The following STC2 variants were observed in gnomAD, a reference collection of about 807,000 sequenced individuals.
STC2 encodes stanniocalcin 2.
Under a neutral mutation model 22.7 loss-of-function variants are expected in STC2, and 7 were observed. That is an observed-to-expected ratio of 0.31 (90% CI 0.18 to 0.58). The LOEUF is 0.58. STC2 is among the 20% of genes least tolerant of loss of function. The pLI, the probability that STC2 is intolerant of heterozygous loss-of-function variation, is 0.89. For synonymous variants in STC2, 158 were observed against 163.4 expected (o/e 0.97, Z 0.25); for missense variants, 336 against 406.2 (o/e 0.83, Z 1.48).
chr5:173,328,228 G>A lies in STC2; in HGVS notation c.-35C>T, dbSNP rs767827535. On this transcript the variant is annotated 5_prime_UTR_variant, in exon 1 of 4. Transcript: ENST00000265087. ...TATTAACCTCCCGTCGGGAGACCTG[G>A]ATCCTTTGTGCTCCCCTCTTCCTCC... is the stretch of plus-strand genomic sequence containing the variant. 7.0e-7 allele frequency: 1 copy of A among 1,420,754 alleles called. No homozygotes were observed. The highest frequency in any genetic ancestry group is 9.3e-7 in the Non-Finnish European group (1 of 1,078,074). 88.0% of individuals were successfully genotyped at this position (1,420,754 alleles called of 1,614,324 possible).
chr5:173,321,159 GC>G (rs1309989296), intron 3 of STC2, among the ~76,000 whole-genome samples: 5 of 151,332 alleles, frequency 3.3e-5, no homozygotes, highest in African/African-American at 1.2e-4. Flanking sequence ...GGAGACCATG[GC>G]CCCGAGGGCC....
In STC2 at chr5:173,316,736, C is replaced by T. The variant is rs1164546692; in HGVS notation, c.*1111G>A. 12 of 152,104 alleles carry T rather than the reference C, an allele frequency of 7.9e-5. No homozygotes were observed. Among genetic ancestry groups the T allele is most frequent in the Non-Finnish European group, 1.8e-4 (12 of 68,036 alleles). The allele number at this position is 152,104 out of a possible 1,614,324, so 9.4% of individuals were successfully genotyped here. ...AGTCTTCATTCTCTTCTTTCCTTTC[C>T]CATCCCCTCACATGGAGAAGCCAGG... On this transcript the variant is annotated 3_prime_UTR_variant, in exon 4 of 4. Transcript: ENST00000265087.
At chr5:173,326,581 T>TA (rs1405620321) in intron 1 of STC2, 1 of 152,330 alleles carries the variant, frequency 6.6e-6, no homozygotes, top group African/African-American at 2.4e-5. Context: ...CCCTTCGCAT[T>TA]AAAATACCAG....
chr5:173,318,296 G>T, intron 3 of STC2, 47 bp from the exon 4 acceptor site: 5 of 1,337,330 alleles, frequency 3.7e-6, no homozygotes, highest in Non-Finnish European at 3.9e-6. Flanking sequence ...GAGAGAGAGA[G>T]AGAGGCTGGG....
Position 173,317,669 on chromosome 5 carries a change from G to A in STC2, c.*178C>T. The A allele has an allele frequency of 2.6e-6, 2 of 762,628 alleles. No individual in the cohort carries two copies. The highest frequency in any genetic ancestry group is 6.4e-5 in the South Asian group (2 of 31,382). The allele number at this position is 762,628 out of a possible 1,614,324, so 47.2% of individuals were successfully genotyped here. A position where few individuals can be genotyped will look rare whatever the true frequency, so the allele number is the denominator to read the frequency against. On this transcript the variant is annotated 3_prime_UTR_variant, in exon 4 of 4. Coordinates refer to ENST00000265087, the MANE Select transcript of STC2 (RefSeq NM_003714.3). ...CACCAGGCACCCCTGAGACCCCACG[G>A]CCCCAGGGGTCTCCATCTCACCTGT...
chr5:173,327,880 C>T (rs1294353348), intron 1 of STC2, among the ~76,000 whole-genome samples, 163 bp downstream of exon 1: 1 of 152,244 alleles, frequency 6.6e-6, no homozygotes, highest in Non-Finnish European at 1.5e-5. Flanking sequence ...CCGGCGCGGA[C>T]CTCGCCTTGC....
At chr5:173,324,515 C>T (rs924888406) in intron 2 of STC2, among the ~76,000 whole-genome samples, 1 of 152,206 alleles carries the variant, frequency 6.6e-6, no homozygotes, top group Non-Finnish European at 1.5e-5. Flanking sequence ...CTACAGATAG[C>T]GTCTGATCTC....
Position 173,323,259 on chromosome 5 carries a change from T to G in STC2, c.466A>C (p.Ile156Leu). The G allele has an allele frequency of 6.2e-7, 1 of 1,614,204 alleles. No individual in the cohort carries two copies. Among genetic ancestry groups the G allele is most frequent in the Non-Finnish European group, 8.5e-7 (1 of 1,180,034 alleles). ...TCCTTGAAATGGATCATCTCCACTATCACCCGGGTGTTCTCCTGGGCAGCC... is the reference window on the plus strand; with the variant it reads ...TCCTTGAAATGGATCATCTCCACTAGCACCCGGGTGTTCTCCTGGGCAGCC... ...CAAAQENTRV[I>L]VEMIHFKDLL... is the part of the protein sequence containing the mutation. The change falls in exon 3 of 4, where the codon ATA becomes CTA. Residue 156 changes from isoleucine (I) to leucine (L), a missense_variant. This residue lies in a region of STC2 where 215 missense variants were observed against 231.5 expected (regional missense o/e 0.93). Coordinates refer to ENST00000265087, the MANE Select transcript of STC2 (RefSeq NM_003714.3). The surrounding 1 kb of genome is among the most constrained non-coding windows in gnomAD (Gnocchi z 5.4).
At position 173,323,483 on chromosome 5, in the gene STC2, C is replaced by T. The variant is rs1256134763; in HGVS notation, c.295-53G>A. 3 of 1,495,190 alleles carry T rather than the reference C, an allele frequency of 2.0e-6. No individual in the cohort carries two copies. The highest frequency in any genetic ancestry group is 2.7e-6 in the Non-Finnish European group (3 of 1,095,928). 92.6% of individuals were successfully genotyped at this position (1,495,190 alleles called of 1,614,324 possible). On this transcript the variant is annotated intron_variant, in intron 2 of 3. Transcript: ENST00000265087. This position sits in a 1 kb window ranked among gnomAD's most constrained non-coding sequence, Gnocchi z 5.4. ...GAGAGGGGCAGAAAGCAGAAGACCT[C>T]GTTACATGCTTGGACATTTCAGCCC...
rs1762543708 is a variant in STC2, at chr5:173,326,125, G to A, written c.152-115C>T. On this transcript the variant is annotated intron_variant, in intron 1 of 3. Transcript: ENST00000265087. ...AAAGGAAAATTTAAGGAGGAAAAAA[G>A]ACTTAGTAATGACTATTTCAGGACC... The A allele has an allele frequency of 3.2e-6, 4 of 1,244,976 alleles. No homozygotes were observed. The East Asian group carries it at 9.5e-5, about 30-fold the overall frequency. The allele number at this position is 1,244,976 out of a possible 1,614,324, so 77.1% of individuals were successfully genotyped here.
intron 3 of STC2, among the ~76,000 whole-genome samples, chr5:173,320,483 C>T (rs1176088112): frequency 6.6e-6 from 1 of 152,128 alleles, no homozygotes; most frequent in Non-Finnish European, 1.5e-5. Context: ...AAGTCCAGCT[C>T]GTTCAACTGG....
intron 3 of STC2, chr5:173,322,840 T>C: frequency 4.0e-6 from 1 of 248,612 alleles, no homozygotes; most frequent in Admixed American, 4.9e-5. Flanking sequence ...GCTTAGTAAA[T>C]ATTCAACAAA....
At chr5:173,327,993 C>T (rs1232706357) in intron 1 of STC2, 50 bp downstream of exon 1, 50 of 1,400,924 alleles carry the variant, frequency 3.6e-5, no homozygotes, top group Non-Finnish European at 4.5e-5. Flanking sequence ...CGCGTGGGTG[C>T]ACGGTGTCCT....
rs749813011 is a variant in STC2 at position 173,323,361 on chromosome 5, T to G, written c.364A>C (p.Ser122Arg). Residue 122 changes from serine (S) to arginine (R), a missense_variant, in exon 3 of 4, where the codon AGC becomes CGC. Ser to Arg is a moderately radical substitution (Grantham distance 110). Transcript: ENST00000265087. This position sits in a 1 kb window ranked among gnomAD's most constrained non-coding sequence, Gnocchi z 5.4. ...TCCCTGATGGCCGGGCACTTCCGGCTTATGCAGCCGAACCTGTGCCGCAGA... is the reference window on the plus strand; with the variant it reads ...TCCCTGATGGCCGGGCACTTCCGGCGTATGCAGCCGAACCTGTGCCGCAGA... ...HALRHRFGCI[S>R]RKCPAIREMV... 7.4e-6 allele frequency: 12 copies of G among 1,614,046 alleles called. No homozygotes were observed. The Admixed American group carries it at 1.5e-4, about 20-fold the overall frequency.
In STC2 at chr5:173,323,285, G is replaced by T. The variant is rs1328886992; in HGVS notation, c.440C>A (p.Ala147Glu). The change falls in exon 3 of 4, where the codon GCG (alanine) becomes GAG (glutamate). Residue 147 changes from alanine (A) to glutamate (E), a missense_variant. This residue lies in a region of STC2 where 215 missense variants were observed against 231.5 expected (regional missense o/e 0.93). Transcript: ENST00000265087. The surrounding 1 kb of genome is among the most constrained non-coding windows in gnomAD (Gnocchi z 5.4). The stretch of plus-strand genomic sequence containing the variant: ...CACCCGGGTGTTCTCCTGGGCAGCC[G>T]CGCACAGGTCGTGCTTGAGGTAGCA... ...RECYLKHDLCAAAQENTRVIV... is the reference protein window; with the variant it reads ...RECYLKHDLCEAAQENTRVIV... 6.2e-7 allele frequency: 1 copy of T among 1,614,140 alleles called. No homozygotes were observed. Among genetic ancestry groups the T allele is most frequent in the South Asian group, 1.1e-5 (1 of 91,080 alleles).
At position 173,323,145 on chromosome 5, in the gene STC2, G is replaced by T; in HGVS notation, c.506+74C>A. 6.9e-7 allele frequency: 1 copy of T among 1,454,486 alleles called. No homozygotes were observed. The allele number at this position is 1,454,486 out of a possible 1,614,324, so 90.1% of individuals were successfully genotyped here. A position where few individuals can be genotyped will look rare whatever the true frequency, so the allele number is the denominator to read the frequency against. On this transcript the variant is annotated intron_variant, in intron 3 of 3. Transcript: ENST00000265087. The surrounding 1 kb of genome is among the most constrained non-coding windows in gnomAD (Gnocchi z 5.4). The stretch of plus-strand genomic sequence containing the variant: ...GCATTCAGCCTCTAGAAGCAACGCG[G>T]CTCTCCTCCCATACACATTGCCATC...
intron 3 of STC2, among the ~76,000 whole-genome samples, chr5:173,318,725 G>C (rs1220809581): frequency 6.6e-6 from 1 of 152,178 alleles, no homozygotes; most frequent in Non-Finnish European, 1.5e-5. Flanking sequence ...GTAGGGAAGA[G>C]GAAACCATGA....
chr5:173,319,331 C>A (rs66682806), intron 3 of STC2, among the ~76,000 whole-genome samples: 16,340 of 152,226 alleles, frequency 0.11, 1,884 homozygotes, highest in African/African-American at 0.29. Flanking sequence ...CTTTAAAACC[C>A]CCCAAGGGGG....
chr5:173,318,270 G>T (rs1169558740), intron 3 of STC2, 21 bp from the exon 4 acceptor site: 5 of 775,102 alleles, frequency 6.5e-6, no homozygotes, highest in Non-Finnish European at 8.5e-6. Flanking sequence ...AAAGCAAAGA[G>T]AGAGAGAGAG....
Sources: allele counts gnomAD v4.1 joint callset (sites outside exome capture counted in the v4.1 genomes callset), GRCh38; gene constraint gnomAD v4.1.1; regional missense constraint gnomAD v4.1.1; non-coding constraint Gnocchi (gnomAD v3.1); transcripts MANE v1.5; gene names NCBI Gene and HGNC (gene_info 2026-07-23, HGNC 2026-07-21).